The following ARHGAP24 variants were observed in gnomAD, a reference collection of about 807,000 sequenced individuals.
ARHGAP24 encodes Rho GTPase activating protein 24.
ARHGAP24 carries 50 observed loss-of-function variants against 76.4 expected under a neutral mutation model. The observed-to-expected ratio is 0.65, with a 90% CI of 0.52 to 0.83. The LOEUF is 0.83. Among genes scored for constraint, ARHGAP24 ranks in the 40% least tolerant of loss-of-function variants. The probability of loss-of-function intolerance (pLI) is 0.00; values close to 1 mark genes in which losing one functional copy is unlikely to be tolerated. For missense variants in ARHGAP24, 930 were observed against 914.2 expected (o/e 1.02, Z -0.22); for synonymous variants, 345 against 323.3 (o/e 1.07, Z -0.72).
intron 3 of ARHGAP24, among the ~76,000 whole-genome samples, chr4:85,825,990 TA>T (rs1270439835): frequency 6.6e-6 from 1 of 152,140 alleles, no homozygotes; most frequent in East Asian, 1.9e-4. Context: ...TGCTTATCTG[TA>T]AAATAAGAAT....
At chr4:85,750,485 CTTTTTTTTTTTTT>C (rs60635375) in intron 3 of ARHGAP24, among the ~76,000 whole-genome samples, 3 of 61,616 alleles carry the variant, frequency 4.9e-5, no homozygotes, top group South Asian at 8.2e-4. Flanking sequence ...CTTTTCATTC[CTTTTTTTTTTTTT>C]TTTTTTTTTT....
intron 3 of ARHGAP24, among the ~76,000 whole-genome samples, chr4:85,815,906 G>T (rs1257051743): frequency 6.6e-6 from 1 of 152,192 alleles, no homozygotes; most frequent in Non-Finnish European, 1.5e-5. Flanking sequence ...GGCTGGGGAG[G>T]CCTCACAATC....
At chr4:85,520,945 G>C (rs1724718215) in intron 1 of ARHGAP24, among the ~76,000 whole-genome samples, 1 of 152,164 alleles carries the variant, frequency 6.6e-6, no homozygotes, top group Non-Finnish European at 1.5e-5. Context: ...AGATCAGAGG[G>C]GGATGTGAGA....
chr4:85,995,006 C>T lies in ARHGAP24; in HGVS notation c.1352C>T (p.Thr451Ile). 1 of 1,614,058 alleles carries T rather than the reference C, an allele frequency of 6.2e-7. No homozygotes were observed. Among genetic ancestry groups the T allele is most frequent in the Non-Finnish European group, 8.5e-7 (1 of 1,180,040 alleles). Residue 451 changes from threonine to isoleucine, a missense_variant, in exon 9 of 10, where the codon ACC becomes ATC. Thr to Ile is a moderately conservative substitution (Grantham distance 89). Coordinates refer to ENST00000395184, the MANE Select transcript of ARHGAP24 (RefSeq NM_001025616.3). ...GCAGAAGGTCTTGAGAAAACCCAAA[C>T]CACCCCCAATGGGAGCCTACAGGCC... The part of the protein sequence containing the change: ...SNAEGLEKTQ[T>I]TPNGSLQARR...
chr4:85,630,177 A>G (rs1031203967), intron 2 of ARHGAP24, among the ~76,000 whole-genome samples: 2 of 152,136 alleles, frequency 1.3e-5, no homozygotes, highest in African/African-American at 2.4e-5. Flanking sequence ...GTTTTCAGCT[A>G]TAGAATATCT....
intron 2 of ARHGAP24, among the ~76,000 whole-genome samples, chr4:85,683,919 T>C (rs529943448): frequency 1.5e-4 from 23 of 152,332 alleles, no homozygotes; most frequent in African/African-American, 4.3e-4. Flanking sequence ...CATATAGTAG[T>C]ATATAACAGA....
At chr4:85,867,027 GT>G (rs1732237517) in intron 3 of ARHGAP24, among the ~76,000 whole-genome samples, 1 of 152,016 alleles carries the variant, frequency 6.6e-6, no homozygotes, top group Non-Finnish European at 1.5e-5. Flanking sequence ...GGTTCTGTAT[GT>G]ACTCTATATG....
chr4:85,817,777 T>C (rs1298767175), intron 3 of ARHGAP24, among the ~76,000 whole-genome samples: 1 of 152,228 alleles, frequency 6.6e-6, no homozygotes. Context: ...GTTTAGGATC[T>C]GTCCCAGTTG....
intron 1 of ARHGAP24, among the ~76,000 whole-genome samples, chr4:85,557,247 G>A (rs1457709958): frequency 5.1e-5 from 2 of 39,092 alleles, no homozygotes; most frequent in Non-Finnish European, 2.4e-4. Flanking sequence ...GTCCATCACT[G>A]CTCAGCTGTG....
At chr4:85,945,519 TTTGGGAGGCCAAGG>T (rs1737201594) in intron 5 of ARHGAP24, among the ~76,000 whole-genome samples, 1 of 152,056 alleles carries the variant, frequency 6.6e-6, no homozygotes, top group African/African-American at 2.4e-5. Flanking sequence ...ATCCCAGCAC[TTTGGGAGGCCAAGG>T]TGGGAGGATC....
intron 3 of ARHGAP24, among the ~76,000 whole-genome samples, chr4:85,919,125 C>T (rs1290674567): frequency 2.6e-5 from 4 of 152,134 alleles, no homozygotes; most frequent in Non-Finnish European, 5.9e-5. Context: ...ATAATTAGAT[C>T]TCAACATTGC....
chr4:85,639,176 A>C (rs953661720), intron 2 of ARHGAP24, among the ~76,000 whole-genome samples: 7 of 152,146 alleles, frequency 4.6e-5, no homozygotes, highest in Non-Finnish European at 8.8e-5. Context: ...ATCAGATATG[A>C]CCACTATTTC....
chr4:85,528,473 A>G (rs1047527660), intron 1 of ARHGAP24, among the ~76,000 whole-genome samples: 13 of 152,122 alleles, frequency 8.5e-5, no homozygotes, highest in African/African-American at 2.9e-4. Flanking sequence ...AGGGAGAAAG[A>G]TGGGGATGGA....
At chr4:85,733,873 T>C (rs1225409335) in intron 3 of ARHGAP24, among the ~76,000 whole-genome samples, 1 of 152,200 alleles carries the variant, frequency 6.6e-6, no homozygotes, top group African/African-American at 2.4e-5. Context: ...TTCTGAGGTA[T>C]TGGGGGTTTG....
intron 2 of ARHGAP24, among the ~76,000 whole-genome samples, chr4:85,669,649 ATATATAT>A: frequency 2.2e-4 from 4 of 18,138 alleles, no homozygotes; most frequent in African/African-American, 1.9e-3. Context: ...TTTCAAATAT[ATATATAT>A]ATATATATAT....
At chr4:85,954,331 T>C (rs1274197693) in intron 5 of ARHGAP24, among the ~76,000 whole-genome samples, 2 of 152,200 alleles carry the variant, frequency 1.3e-5, no homozygotes, top group Non-Finnish European at 2.9e-5. Context: ...TATCTAAGAT[T>C]ACTCTGTTTA....
chr4:85,847,936 T>A (rs1043901913), intron 3 of ARHGAP24, among the ~76,000 whole-genome samples: 5 of 152,124 alleles, frequency 3.3e-5, no homozygotes, highest in African/African-American at 2.4e-5. Flanking sequence ...AATGCTCATT[T>A]TTCAGTTGAA....
chr4:85,542,280 A>G (rs1725735009), intron 1 of ARHGAP24, among the ~76,000 whole-genome samples: 1 of 152,208 alleles, frequency 6.6e-6, no homozygotes, highest in Non-Finnish European at 1.5e-5. Flanking sequence ...TTATTGATAT[A>G]CAACCTATAA....
At chr4:85,996,394 T>C (rs760019492) in intron 9 of ARHGAP24, among the ~76,000 whole-genome samples, 1 of 152,234 alleles carries the variant, frequency 6.6e-6, no homozygotes, top group Non-Finnish European at 1.5e-5. Flanking sequence ...ATGTGCATCT[T>C]CTCATAAAAT....
Sources: allele counts gnomAD v4.1 joint callset (sites outside exome capture counted in the v4.1 genomes callset), GRCh38; gene constraint gnomAD v4.1.1; transcripts MANE v1.5; gene names NCBI Gene and HGNC (gene_info 2026-07-23, HGNC 2026-07-21).